Variants in LOC400499 observed in about 807,000 individuals in gnomAD.
chr16:11,391,876 C>G, the LOC400499 span: 1 of 1,200,460 alleles, frequency 8.3e-7, no homozygotes, highest in Non-Finnish European at 1.0e-6. Context: ...ACAGGGAAAC[C>G]GAGGCAGAAT....
At chr16:11,424,396 AC>A in the LOC400499 span, 7 of 399,032 alleles carry the variant, frequency 1.8e-5, no homozygotes, top group Non-Finnish European at 3.1e-5. Flanking sequence ...GAGACCACTC[AC>A]CCCAGTCCAC....
At chr16:11,495,634 T>C in the LOC400499 span, among the ~76,000 whole-genome samples, 2 of 152,012 alleles carry the variant, frequency 1.3e-5, no homozygotes, top group African/African-American at 2.4e-5. Flanking sequence ...CCCGCCTCGG[T>C]CTCCCAAAGT....
At chr16:11,385,495 GC>G in the LOC400499 span, 2 of 990,314 alleles carry the variant, frequency 2.0e-6, no homozygotes, top group African/African-American at 3.4e-5. Context: ...CCTGCTGGGT[GC>G]CCCGGATGCC....
the LOC400499 span, among the ~76,000 whole-genome samples, chr16:11,394,244 C>A: frequency 6.6e-6 from 1 of 152,208 alleles, no homozygotes. Context: ...CCTGCAGGTG[C>A]CCAGCCTTGG....
chr16:11,378,501 T>G, the LOC400499 span, among the ~76,000 whole-genome samples: 1 of 152,196 alleles, frequency 6.6e-6, no homozygotes, highest in South Asian at 2.1e-4. Flanking sequence ...TGACCTCAGA[T>G]GATTTGCCCA....
the LOC400499 span, among the ~76,000 whole-genome samples, chr16:11,480,415 T>C: frequency 6.6e-6 from 1 of 152,214 alleles, no homozygotes; most frequent in Non-Finnish European, 1.5e-5. Context: ...AGGAAACATG[T>C]GACCAAGCGA....
At chr16:11,446,866 T>C in the LOC400499 span, 4 of 1,536,054 alleles carry the variant, frequency 2.6e-6, no homozygotes, top group Non-Finnish European at 3.5e-6. Context: ...TGTGAAGGTC[T>C]CCTGCAGGAG....
the LOC400499 span, among the ~76,000 whole-genome samples, chr16:11,402,505 AG>A: frequency 6.6e-6 from 1 of 152,174 alleles, no homozygotes; most frequent in African/African-American, 2.4e-5. Context: ...TTCTAAGCCC[AG>A]GCCTTAGGAG....
the LOC400499 span, among the ~76,000 whole-genome samples, chr16:11,491,203 C>A: frequency 6.6e-6 from 1 of 152,198 alleles, no homozygotes; most frequent in Non-Finnish European, 1.5e-5. Context: ...AGGCTCCAGG[C>A]TCTCACCCCA....
the LOC400499 span, among the ~76,000 whole-genome samples, chr16:11,467,431 G>A: frequency 6.7e-6 from 1 of 150,288 alleles, no homozygotes; most frequent in Admixed American, 6.7e-5. Flanking sequence ...GCAACATAGT[G>A]AGACCCCATT....
At chr16:11,452,900 A>C in the LOC400499 span, among the ~76,000 whole-genome samples, 1 of 152,136 alleles carries the variant, frequency 6.6e-6, no homozygotes, top group Non-Finnish European at 1.5e-5. Context: ...ATCTCCAGTT[A>C]CTCCAAAGGT....
chr16:11,387,334 G>C, the LOC400499 span: 1 of 1,230,076 alleles, frequency 8.1e-7, no homozygotes, highest in East Asian at 3.2e-5. Context: ...GTGCCTGCCC[G>C]AGCCTTGCTT....
chr16:11,511,234 C>A, the LOC400499 span, among the ~76,000 whole-genome samples: 1 of 152,126 alleles, frequency 6.6e-6, no homozygotes, highest in Non-Finnish European at 1.5e-5. Flanking sequence ...TGGGCTCAAG[C>A]AATCTGCTCA....
At chr16:11,515,023 G>C in the LOC400499 span, among the ~76,000 whole-genome samples, 1 of 152,152 alleles carries the variant, frequency 6.6e-6, no homozygotes, top group Non-Finnish European at 1.5e-5. Context: ...AAAGGACAGA[G>C]GGGCGGGCGT....
At chr16:11,522,115 G>A in the LOC400499 span, 17 of 352,398 alleles carry the variant, frequency 4.8e-5, no homozygotes, top group Non-Finnish European at 8.0e-5. Context: ...AGCTGACCCT[G>A]AAGGGCAGAG....
At chr16:11,471,722 T>C in the LOC400499 span, 1 of 399,174 alleles carries the variant, frequency 2.5e-6, no homozygotes, top group Non-Finnish European at 4.4e-6. Flanking sequence ...TTCTGCAGCG[T>C]CACGGCCGCG....
chr16:11,516,741 G>A, the LOC400499 span, among the ~76,000 whole-genome samples: 1 of 152,082 alleles, frequency 6.6e-6, no homozygotes, highest in Non-Finnish European at 1.5e-5. Context: ...AACCTTATAG[G>A]CTTAAACGAT....
the LOC400499 span, among the ~76,000 whole-genome samples, chr16:11,505,352 G>A: frequency 2.0e-5 from 3 of 150,156 alleles, no homozygotes; most frequent in African/African-American, 7.4e-5. Context: ...ATAGTAAAAT[G>A]TAGTAAAATA....
At chr16:11,376,154 G>A in the LOC400499 span, among the ~76,000 whole-genome samples, 2 of 152,278 alleles carry the variant, frequency 1.3e-5, no homozygotes, top group South Asian at 2.1e-4. Flanking sequence ...CTCCCATTCT[G>A]TAGGACGCCT....
Sources: allele counts gnomAD v4.1 joint callset (sites outside exome capture counted in the v4.1 genomes callset), GRCh38; gene constraint gnomAD v4.1.1; transcripts MANE v1.5.